DYM: variants seen among roughly 807,000 people sequenced by gnomAD.
DYM encodes the protein dyggve-Melchior-Clausen syndrome protein.
DYM carries 78 observed loss-of-function variants against 93.1 expected under a neutral mutation model. The ratio of observed to expected loss-of-function variants is 0.84; its 90% CI spans 0.70 to 1.01. The LOEUF (loss-of-function observed/expected upper bound fraction) is 1.01. Among genes scored for constraint, DYM ranks in the 50% least tolerant of loss-of-function variants. DYM has a pLI of 0.00. For missense variants in DYM, 789 were observed against 845.0 expected, an observed-to-expected ratio of 0.93 and a Z score of 0.82; for synonymous variants, 321 against 319.7, an observed-to-expected ratio of 1.00 and a Z score of -0.04.
chr18:49,330,835 G>A (rs1356498684), intron 8 of DYM, among the ~76,000 whole-genome samples: 1 of 152,174 alleles, frequency 6.6e-6, no homozygotes, highest in East Asian at 1.9e-4. Context: ...ACTCTTGGCA[G>A]GCTGCTCAGC....
intron 14 of DYM, among the ~76,000 whole-genome samples, chr18:49,199,912 G>A (rs557387060): frequency 6.6e-6 from 1 of 151,772 alleles, no homozygotes. Flanking sequence ...AAATTTGAAA[G>A]TGCTACAGTT....
At chr18:49,314,032 C>A (rs1409620592) in intron 8 of DYM, among the ~76,000 whole-genome samples, 1 of 152,138 alleles carries the variant, frequency 6.6e-6, no homozygotes, top group Non-Finnish European at 1.5e-5. Flanking sequence ...CCAAGGCATG[C>A]AGATCACCTG....
chr18:49,190,205 A>G (rs1047051075), intron 14 of DYM, among the ~76,000 whole-genome samples: 3 of 152,238 alleles, frequency 2.0e-5, no homozygotes, highest in African/African-American at 4.8e-5. Context: ...CTAAACTGTG[A>G]AAAGTATTTC....
intron 14 of DYM, among the ~76,000 whole-genome samples, chr18:49,195,916 C>CTTTTTTTTTTTTTTTTTTTTTTTTTTTTT: frequency 2.4e-5 from 2 of 84,036 alleles, no homozygotes; most frequent in South Asian, 4.9e-4. Flanking sequence ...ATGCTACCAT[C>CTTTTTTTTTTTTTTTTTTTTTTTTTTTTT]TTTTTTTTTT....
chr18:49,316,599 T>C (rs748889822), intron 8 of DYM, among the ~76,000 whole-genome samples: 3 of 152,188 alleles, frequency 2.0e-5, no homozygotes, highest in Non-Finnish European at 2.9e-5. Flanking sequence ...TACTGAAGTT[T>C]ATAACAATAG....
chr18:49,078,534 A>G (rs532245664), intron 17 of DYM, among the ~76,000 whole-genome samples: 1 of 152,246 alleles, frequency 6.6e-6, no homozygotes, highest in South Asian at 2.1e-4. Context: ...CAATGTGATA[A>G]TTTTGGTTAT....
At chr18:49,405,697 G>T (rs2071410235) in intron 2 of DYM, among the ~76,000 whole-genome samples, 1 of 152,102 alleles carries the variant, frequency 6.6e-6, no homozygotes, top group Non-Finnish European at 1.5e-5. Context: ...GCTTAGGATT[G>T]TTTTGGCTAT....
chr18:49,371,154 T>A (rs562018973), intron 5 of DYM, among the ~76,000 whole-genome samples: 3 of 152,290 alleles, frequency 2.0e-5, no homozygotes, highest in Non-Finnish European at 2.9e-5. Context: ...TTACAGGCCC[T>A]GGATCCCTTT....
chr18:49,296,534 G>T (rs2060573625), intron 8 of DYM, among the ~76,000 whole-genome samples: 1 of 152,106 alleles, frequency 6.6e-6, no homozygotes, highest in South Asian at 2.1e-4. Context: ...AACAGAGACA[G>T]ATAAATAAAC....
chr18:49,281,173 A>G (rs1399625586), intron 10 of DYM, among the ~76,000 whole-genome samples: 1 of 152,274 alleles, frequency 6.6e-6, no homozygotes, highest in African/African-American at 2.4e-5. Flanking sequence ...AAAAGAAGAC[A>G]TTTATGCAGC....
chr18:49,174,139 A>G (rs1334446082), intron 14 of DYM, among the ~76,000 whole-genome samples: 1 of 152,106 alleles, frequency 6.6e-6, no homozygotes, highest in East Asian at 1.9e-4. Flanking sequence ...TAAGTCTAAT[A>G]AAATAGTGGA....
chr18:49,217,225 A>G (rs932549535), intron 13 of DYM, among the ~76,000 whole-genome samples: 1 of 152,158 alleles, frequency 6.6e-6, no homozygotes, highest in African/African-American at 2.4e-5. Flanking sequence ...AAAGAAACGA[A>G]CAAAGCCTTC....
At chr18:49,328,979 C>A (rs543694224) in intron 8 of DYM, among the ~76,000 whole-genome samples, 2,666 of 152,160 alleles carry the variant, frequency 0.018, 88 homozygotes, top group African/African-American at 0.061. Flanking sequence ...AAGACACACA[C>A]ACACATATGT....
intron 14 of DYM, among the ~76,000 whole-genome samples, chr18:49,203,296 G>C: frequency 1.7e-5 from 1 of 59,874 alleles, no homozygotes; most frequent in Non-Finnish European, 4.2e-5. Context: ...CTGCCCGGCC[G>C]CCCCTACTGG....
intron 6 of DYM, among the ~76,000 whole-genome samples, chr18:49,355,432 A>G (rs1472887269): frequency 1.3e-5 from 2 of 152,090 alleles, no homozygotes; most frequent in African/African-American, 4.8e-5. Flanking sequence ...GACAGATACA[A>G]TTGATACACT....
chr18:49,369,847 A>G (rs1288656311), intron 5 of DYM, among the ~76,000 whole-genome samples: 1 of 152,124 alleles, frequency 6.6e-6, no homozygotes, highest in Non-Finnish European at 1.5e-5. Flanking sequence ...ACTCTCCACA[A>G]AGCTGTACTC....
chr18:49,362,145 C>T (rs904687957), intron 6 of DYM, among the ~76,000 whole-genome samples: 1 of 151,834 alleles, frequency 6.6e-6, no homozygotes, highest in Admixed American at 6.6e-5. Context: ...GGATTACAGG[C>T]GTGAGACACT....
intron 14 of DYM, among the ~76,000 whole-genome samples, chr18:49,196,032 C>A (rs1288577377): frequency 2.1e-5 from 3 of 142,052 alleles, no homozygotes; most frequent in African/African-American, 7.7e-5. Context: ...CAAGCGAATT[C>A]TCCTGCCTCA....
At position 49,095,206 on chromosome 18, in the gene DYM, C is replaced by G. The variant is rs187578876; in HGVS notation, c.2025+2196G>C. On this transcript the variant is annotated intron_variant, in intron 17 of 17. Coordinates refer to ENST00000675505, the MANE Select transcript of DYM (RefSeq NM_001353214.3). The stretch of plus-strand genomic sequence containing the variant: ...TTGAATTTTGAATCAACTTTAGATA[C>G]CGTGGTATTCTGTGAATTAAACTCT... 2.6e-5 allele frequency among the ~76,000 whole-genome samples: 4 copies of G among 152,192 alleles called. No homozygotes were observed. The East Asian group carries it at 7.7e-4, about 29-fold the overall frequency.
Sources: allele counts gnomAD v4.1 joint callset (sites outside exome capture counted in the v4.1 genomes callset), GRCh38; gene constraint gnomAD v4.1.1; transcripts MANE v1.5; gene names NCBI Gene and HGNC (gene_info 2026-07-23, HGNC 2026-07-21).